The following STK39 variants were observed in gnomAD, a reference collection of about 807,000 sequenced individuals.
The protein encoded by STK39 is serine/threonine kinase 39.
A neutral mutation model predicts 77.8 loss-of-function variants in STK39; 20 were observed. That is an observed-to-expected ratio of 0.26 (90% CI 0.18 to 0.37). STK39 has a LOEUF of 0.37. Ranked by LOEUF, STK39 falls within the 10% of genes least tolerant of loss-of-function variation. The pLI is 1.00. For synonymous variants in STK39, 246 were observed against 234.1 expected (o/e 1.05, Z -0.47); for missense variants, 479 against 656.5 (o/e 0.73, Z 2.95).
intron 1 of STK39, among the ~76,000 whole-genome samples, chr2:168,228,556 T>G (rs1033589233): frequency 6.6e-6 from 1 of 152,104 alleles, no homozygotes; most frequent in Non-Finnish European, 1.5e-5. Flanking sequence ...TTTGGGAGGC[T>G]GAGGCAGGTA....
At chr2:168,051,564 G>A (rs1685395629) in intron 14 of STK39, among the ~76,000 whole-genome samples, 2 of 152,246 alleles carry the variant, frequency 1.3e-5, no homozygotes, top group African/African-American at 4.8e-5. Context: ...ACTGACTCCT[G>A]GCTACAATGC....
At position 168,031,770 on chromosome 2, in the gene STK39, G is replaced by A. The variant is rs547933421; in HGVS notation, c.1377-14675C>T. 1.9e-4 allele frequency among the ~76,000 whole-genome samples: 29 copies of A among 152,246 alleles called. 1 individual carries two copies. The highest frequency in any genetic ancestry group is 1.4e-4 in the African/African-American group (6 of 41,548). ...GCAGCTTCATCGTAGACTTCTAGGC[G>A]CCAGAACAATGAGAAAATAAACTCC... On this transcript the variant is annotated intron_variant, in intron 14 of 17. Coordinates refer to ENST00000355999, the MANE Select transcript of STK39 (RefSeq NM_013233.3).
intron 14 of STK39, among the ~76,000 whole-genome samples, chr2:168,034,938 G>A (rs1219173680): frequency 1.3e-5 from 2 of 152,182 alleles, no homozygotes; most frequent in Non-Finnish European, 2.9e-5. Context: ...ACCTCCTTCA[G>A]CCTGTTGATG....
intron 1 of STK39, chr2:168,231,903 G>T: frequency 4.2e-6 from 1 of 235,408 alleles, no homozygotes. Context: ...GTGGGGGGAG[G>T]AAGGGGCCAC....
intron 17 of STK39, 149 bp downstream of exon 17, chr2:167,964,513 A>G: frequency 1.4e-6 from 1 of 690,886 alleles, no homozygotes; most frequent in Non-Finnish European, 2.5e-6. Flanking sequence ...CTAACGCTGC[A>G]GAGTCAAATG....
rs564199495 is a variant in STK39 at position 168,085,980 on chromosome 2, C to G, written c.1090-10749G>C. ...TGCTGTGAGGTAGCCCAGACTAGCCCCCAGGTGACCTGACCATCTGGCGCA... is the reference window on the plus strand; with the variant it reads ...TGCTGTGAGGTAGCCCAGACTAGCCGCCAGGTGACCTGACCATCTGGCGCA... On this transcript the variant is annotated intron_variant, in intron 10 of 17. Transcript: ENST00000355999. 2.5e-4 allele frequency among the ~76,000 whole-genome samples: 38 copies of G among 152,296 alleles called. No homozygotes were observed. In the South Asian group the frequency reaches 3.9e-3, roughly 16 times the overall value.
intron 10 of STK39, among the ~76,000 whole-genome samples, chr2:168,116,849 A>G (rs1388609054): frequency 1.3e-5 from 2 of 152,234 alleles, no homozygotes; most frequent in Non-Finnish European, 2.9e-5. Context: ...TGATATAAAA[A>G]GTTTAAATTA....
chr2:168,203,616 G>T (rs893457030), intron 1 of STK39, among the ~76,000 whole-genome samples: 1 of 151,798 alleles, frequency 6.6e-6, no homozygotes, highest in African/African-American at 2.4e-5. Context: ...TTTTTGAGAC[G>T]GAGTCTCGCT....
rs547588461 is a variant in STK39, at chr2:168,198,315, T to C, written c.209-16225A>G. Among the ~76,000 whole-genome samples, 7 of 152,342 alleles carry C rather than the reference T, an allele frequency of 4.6e-5. 1 individual carries two copies. In the South Asian group the frequency reaches 1.5e-3, roughly 32 times the overall value. Reference sequence around the variant, plus strand: ...ATTGTGGTACAACATCCCAACATGTTATTGAACCATAAACTATTGCCTTTA... The same window carrying C: ...ATTGTGGTACAACATCCCAACATGTCATTGAACCATAAACTATTGCCTTTA... On this transcript the variant is annotated intron_variant, in intron 1 of 17. Coordinates refer to ENST00000355999, the MANE Select transcript of STK39 (RefSeq NM_013233.3).
intron 10 of STK39, among the ~76,000 whole-genome samples, chr2:168,106,567 C>T (rs1310387996): frequency 6.6e-6 from 1 of 152,062 alleles, no homozygotes; most frequent in Non-Finnish European, 1.5e-5. Flanking sequence ...TACCTATAAT[C>T]CCAGCACTTT....
intron 12 of STK39, among the ~76,000 whole-genome samples, chr2:168,071,469 T>C (rs933893894): frequency 5.9e-5 from 9 of 152,196 alleles, no homozygotes; most frequent in Non-Finnish European, 1.2e-4. Context: ...TACTCTGGCA[T>C]TTAAATGTGT....
chr2:168,131,753 T>C (rs1437628150), intron 8 of STK39, among the ~76,000 whole-genome samples: 2 of 152,206 alleles, frequency 1.3e-5, no homozygotes, highest in Admixed American at 6.5e-5. Flanking sequence ...CCTTGTTAAA[T>C]AGGCCCTAGA....
intron 16 of STK39, among the ~76,000 whole-genome samples, chr2:167,974,955 G>T (rs556409990): frequency 6.6e-6 from 1 of 152,296 alleles, no homozygotes; most frequent in African/African-American, 2.4e-5. Flanking sequence ...TATTGAAATT[G>T]TTTAGATATA....
intron 14 of STK39, among the ~76,000 whole-genome samples, chr2:168,052,226 G>A (rs1157792586): frequency 1.3e-5 from 2 of 152,130 alleles, no homozygotes; most frequent in Non-Finnish European, 2.9e-5. Flanking sequence ...CTCTGACAGA[G>A]AACCTGCCTT....
At chr2:168,243,290 A>G (rs12622064) in intron 1 of STK39, among the ~76,000 whole-genome samples, 152,328 of 152,350 alleles carry the variant, frequency 1, 76,153 homozygotes, top group Middle Eastern at 1. Flanking sequence ...CTCATTTTAC[A>G]AGAGGCTGTT....
intron 8 of STK39, among the ~76,000 whole-genome samples, chr2:168,133,801 T>G (rs1687762150): frequency 6.6e-6 from 1 of 151,206 alleles, no homozygotes; most frequent in African/African-American, 2.4e-5. Flanking sequence ...GAGGTTGCAG[T>G]GAGCCGAGAT....
At chr2:168,098,174 C>A (rs770109424) in intron 10 of STK39, among the ~76,000 whole-genome samples, 3 of 152,120 alleles carry the variant, frequency 2.0e-5, no homozygotes, top group Non-Finnish European at 4.4e-5. Flanking sequence ...TTTTCGGCAC[C>A]CAAGAAATAT....
At chr2:168,175,372 T>A (rs567096375) in intron 2 of STK39, among the ~76,000 whole-genome samples, 3 of 152,142 alleles carry the variant, frequency 2.0e-5, no homozygotes, top group Non-Finnish European at 4.4e-5. Flanking sequence ...TGAAAACATA[T>A]AAGCCCCAAA....
At chr2:168,000,735 C>A (rs12328189) in intron 16 of STK39, among the ~76,000 whole-genome samples, 1 of 152,034 alleles carries the variant, frequency 6.6e-6, no homozygotes, top group African/African-American at 2.4e-5. Flanking sequence ...TCTGACAGCA[C>A]GATCTTGACC....
Sources: gnomAD v4.1 joint callset for allele counts (sites outside exome capture counted in the v4.1 genomes callset) on GRCh38, gnomAD v4.1.1 for gene constraint, MANE v1.5 for transcripts, NCBI Gene and HGNC (gene_info 2026-07-23, HGNC 2026-07-21) for gene names.